Variants in AFAP1 observed in about 807,000 individuals in gnomAD.
The protein encoded by AFAP1 is actin filament-associated protein 1.
AFAP1 carries 75 observed loss-of-function variants against 93.9 expected under a neutral mutation model. The ratio of observed to expected loss-of-function variants is 0.80; its 90% CI spans 0.66 to 0.97. The LOEUF is 0.97. AFAP1 is among the 50% of genes least tolerant of loss of function. The pLI, the probability that AFAP1 is intolerant of heterozygous loss-of-function variation, is 0.00. For synonymous variants in AFAP1, 517 were observed against 430.7 expected, an observed-to-expected ratio of 1.20 and a Z score of -2.48; for missense variants, 1,201 against 1,050.8, an observed-to-expected ratio of 1.14 and a Z score of -1.98.
rs143043898 is a variant in AFAP1 at position 7,873,564 on chromosome 4, A to G, written c.-2-1484T>C. ...GGGGTTTCACCGTGTTAGCCAGGAT[A>G]GTCTCGATCTCCTGACCTCGTGATC... On this transcript the variant is annotated intron_variant, in intron 1 of 17. Coordinates refer to ENST00000420658, the MANE Select transcript of AFAP1 (RefSeq NM_001134647.2). Among the ~76,000 whole-genome samples, 877 of 151,724 alleles carry G rather than the reference A, an allele frequency of 5.8e-3. 6 individuals carry two copies. The highest frequency in any genetic ancestry group is 0.018 in the African/African-American group (765 of 41,370).
chr4:7,847,798 T>TGGGG (rs752684366), intron 4 of AFAP1, among the ~76,000 whole-genome samples: 1 of 142,630 alleles, frequency 7.0e-6, no homozygotes, highest in African/African-American at 2.8e-5. Flanking sequence ...GTACTCGGGG[T>TGGGG]GGGGCATTGA....
chr4:7,857,420 G>T (rs955209766), intron 3 of AFAP1, among the ~76,000 whole-genome samples: 8 of 152,144 alleles, frequency 5.3e-5, no homozygotes, highest in African/African-American at 1.9e-4. Context: ...TTCCTTCAGG[G>T]ACTTACAGAG....
intron 7 of AFAP1, among the ~76,000 whole-genome samples, chr4:7,817,477 G>A (rs890674056): frequency 1.3e-5 from 2 of 152,164 alleles, no homozygotes; most frequent in African/African-American, 2.4e-5. Flanking sequence ...TGGAATCCCA[G>A]TTACTCAGGA....
At chr4:7,811,650 TAAG>T (rs1267949098) in intron 8 of AFAP1, among the ~76,000 whole-genome samples, 2 of 152,032 alleles carry the variant, frequency 1.3e-5, no homozygotes, top group East Asian at 1.9e-4. Context: ...AGTGCCCTTC[TAAG>T]AAGAGACGGC....
intron 10 of AFAP1, among the ~76,000 whole-genome samples, chr4:7,794,407 T>C (rs1404716382): frequency 6.6e-6 from 1 of 152,266 alleles, no homozygotes; most frequent in Non-Finnish European, 1.5e-5. Flanking sequence ...ACTGGGCTGC[T>C]TTAGGCACAC....
At chr4:7,920,156 C>T (rs1720362218) in intron 1 of AFAP1, among the ~76,000 whole-genome samples, 1 of 152,108 alleles carries the variant, frequency 6.6e-6, no homozygotes, top group Non-Finnish European at 1.5e-5. Flanking sequence ...GATATATACC[C>T]GGTAATGGGA....
Position 7,939,658 on chromosome 4 carries a change from C to A in AFAP1, c.-5G>T. ...TGCCGCCAGTCGCGCCGTCTCACCT[C>A]AGGCCGCCACCTCGCAGCGCTCGCT... On this transcript the variant is annotated splice_region_variant and 5_prime_UTR_variant, in exon 1 of 18. Transcript: ENST00000420658. The surrounding 1 kb of genome is among the most constrained non-coding windows in gnomAD (Gnocchi z 5.6). 2.4e-6 allele frequency: 1 copy of A among 419,346 alleles called. No individual in the cohort carries two copies. The highest frequency in any genetic ancestry group is 1.1e-4 in the East Asian group (1 of 9,214). The allele number at this position is 419,346 out of a possible 1,614,324, so 26.0% of individuals were successfully genotyped here.
At chr4:7,921,674 T>C (rs1022960253) in intron 1 of AFAP1, among the ~76,000 whole-genome samples, 1 of 152,238 alleles carries the variant, frequency 6.6e-6, no homozygotes, top group Non-Finnish European at 1.5e-5. Flanking sequence ...ATTCCATTTC[T>C]AGCAATGCAT....
chr4:7,816,364 C>T (rs1475012908), intron 7 of AFAP1, among the ~76,000 whole-genome samples: 2 of 152,154 alleles, frequency 1.3e-5, no homozygotes, highest in African/African-American at 2.4e-5. Context: ...TGTCTCATGC[C>T]TATTTCATTC....
rs1227074861 is a variant in AFAP1 at position 7,759,008 on chromosome 4, T to C, written c.*4757A>G. The C allele has an allele frequency of 6.6e-6, 1 of 152,644 alleles. No homozygotes were observed. Among genetic ancestry groups the C allele is most frequent in the Non-Finnish European group, 1.5e-5 (1 of 68,050 alleles). 9.5% of individuals were successfully genotyped at this position (152,644 alleles called of 1,614,324 possible). ...AAATCTTTGCTGTTTCTTTGCCTGTTTCTTTCAAAGAGAATTTTAAATATG... is the reference window on the plus strand; with the variant it reads ...AAATCTTTGCTGTTTCTTTGCCTGTCTCTTTCAAAGAGAATTTTAAATATG... On this transcript the variant is annotated 3_prime_UTR_variant, in exon 18 of 18. Coordinates refer to ENST00000420658, the MANE Select transcript of AFAP1 (RefSeq NM_001134647.2).
intron 3 of AFAP1, among the ~76,000 whole-genome samples, chr4:7,863,469 C>T (rs1715985002): frequency 1.3e-5 from 2 of 152,182 alleles, no homozygotes. Flanking sequence ...AAAAGCACAG[C>T]TCTTTCCACA....
intron 6 of AFAP1, among the ~76,000 whole-genome samples, chr4:7,824,424 T>TACACACACACAC (rs10660353): frequency 1.7e-4 from 25 of 150,494 alleles, no homozygotes; most frequent in African/African-American, 2.7e-4. Flanking sequence ...AGCATTTGTG[T>TACACACACACAC]ACACACACAC....
intron 10 of AFAP1, among the ~76,000 whole-genome samples, chr4:7,797,362 T>A (rs902136171): frequency 2.0e-5 from 3 of 152,106 alleles, no homozygotes; most frequent in African/African-American, 7.2e-5. Context: ...TGCAGTCAAT[T>A]TACAGTGGGG....
At chr4:7,818,220 T>G (rs922200976) in intron 7 of AFAP1, among the ~76,000 whole-genome samples, 1 of 152,190 alleles carries the variant, frequency 6.6e-6, no homozygotes, top group Non-Finnish European at 1.5e-5. Context: ...TGCAGACGCC[T>G]TCACACTTCA....
chr4:7,879,962 G>C (rs573143398), intron 1 of AFAP1, among the ~76,000 whole-genome samples: 1 of 152,072 alleles, frequency 6.6e-6, no homozygotes, highest in Admixed American at 6.5e-5. Context: ...CCGCCGCCCA[G>C]CCTTTCTGCT....
intron 1 of AFAP1, among the ~76,000 whole-genome samples, chr4:7,912,151 A>G (rs1719768350): frequency 6.6e-6 from 1 of 152,228 alleles, no homozygotes; most frequent in Non-Finnish European, 1.5e-5. Flanking sequence ...TAACTATTGC[A>G]AAGTGGTATC....
At chr4:7,779,524 T>C (rs889885102) in intron 13 of AFAP1, among the ~76,000 whole-genome samples, 5 of 152,244 alleles carry the variant, frequency 3.3e-5, no homozygotes, top group Admixed American at 2.0e-4. Flanking sequence ...AGTGACCTTA[T>C]GTGCAGCTTA....
chr4:7,818,127 G>A (rs1720646599), intron 7 of AFAP1, among the ~76,000 whole-genome samples: 1 of 152,076 alleles, frequency 6.6e-6, no homozygotes, highest in African/African-American at 2.4e-5. Context: ...CTGTAATGTG[G>A]GTGGGCCTCC....
chr4:7,847,718 T>G (rs1713888474), intron 4 of AFAP1, among the ~76,000 whole-genome samples: 1 of 149,428 alleles, frequency 6.7e-6, no homozygotes, highest in African/African-American at 2.5e-5. Flanking sequence ...AATTCCTGAT[T>G]GCCTTCTAGT....
Sources: allele counts gnomAD v4.1 joint callset (sites outside exome capture counted in the v4.1 genomes callset), GRCh38; gene constraint gnomAD v4.1.1; non-coding constraint Gnocchi (gnomAD v3.1); transcripts MANE v1.5; gene names NCBI Gene and HGNC (gene_info 2026-07-23, HGNC 2026-07-21).